PRKG1: variants seen among roughly 807,000 people sequenced by gnomAD.
PRKG1 encodes cGMP-dependent protein kinase 1.
In PRKG1, 35 loss-of-function variants were observed where a neutral mutation model predicts 88.1. That is an observed-to-expected ratio of 0.40 (90% CI 0.30 to 0.53). The LOEUF (loss-of-function observed/expected upper bound fraction) is 0.53, where lower values mean the gene tolerates loss of function less well. PRKG1 is among the 20% of genes least tolerant of loss of function. The pLI is 0.59. For missense variants in PRKG1, 540 were observed against 839.8 expected, an observed-to-expected ratio of 0.64 and a Z score of 4.41; for synonymous variants, 303 against 292.5, an observed-to-expected ratio of 1.04 and a Z score of -0.37.
intron 5 of PRKG1, among the ~76,000 whole-genome samples, chr10:52,029,462 G>T (rs1845425094): frequency 6.6e-6 from 1 of 152,156 alleles, no homozygotes; most frequent in East Asian, 1.9e-4. Flanking sequence ...CTCAGAGAAG[G>T]CTTTTCAGAG....
chr10:51,092,425 A>C lies in PRKG1; in HGVS notation c.311+17524A>C, dbSNP rs1262808413. 3.9e-5 allele frequency among the ~76,000 whole-genome samples: 6 copies of C among 152,312 alleles called. No individual in the cohort carries two copies. In the East Asian group the frequency reaches 7.7e-4, roughly 20 times the overall value. ...CACTGAGGCTGAAAGCAGATGAAGA[A>C]GACGAAATGGTCTCTAAAGTAGGTG... On this transcript the variant is annotated intron_variant, in intron 1 of 17. Transcript: ENST00000373980.
chr10:51,163,226 A>G (rs1188350473), intron 2 of PRKG1, among the ~76,000 whole-genome samples: 2 of 152,230 alleles, frequency 1.3e-5, no homozygotes, highest in African/African-American at 4.8e-5. Flanking sequence ...TTTGCTGTTC[A>G]CGGTCTGTGT....
chr10:52,089,176 C>T (rs1256906810), intron 7 of PRKG1, among the ~76,000 whole-genome samples: 1 of 152,070 alleles, frequency 6.6e-6, no homozygotes, highest in African/African-American at 2.4e-5. Flanking sequence ...TTATGCTGAG[C>T]TCTTAGATTA....
At chr10:51,347,003 A>T (rs1378255928) in intron 2 of PRKG1, among the ~76,000 whole-genome samples, 1 of 152,136 alleles carries the variant, frequency 6.6e-6, no homozygotes, top group Admixed American at 6.5e-5. Context: ...GTTGCCGAGG[A>T]CCTGGGATGC....
intron 7 of PRKG1, among the ~76,000 whole-genome samples, chr10:52,066,667 A>C (rs1439761972): frequency 6.6e-6 from 1 of 152,172 alleles, no homozygotes; most frequent in Non-Finnish European, 1.5e-5. Flanking sequence ...TGTGATGAGG[A>C]CGGAAATTAC....
intron 3 of PRKG1, among the ~76,000 whole-genome samples, chr10:51,553,995 T>TATTA (rs1699082047): frequency 3.5e-5 from 5 of 143,732 alleles, no homozygotes; most frequent in East Asian, 2.0e-4. Flanking sequence ...TATGCGTATG[T>TATTA]GATACGTGCA....
At position 52,041,094 on chromosome 10, in the gene PRKG1, C is replaced by T. The variant is rs555725895; in HGVS notation, c.763-13390C>T. 2.0e-5 allele frequency among the ~76,000 whole-genome samples: 3 copies of T among 152,138 alleles called. No individual in the cohort carries two copies. The East Asian group carries it at 5.8e-4, about 29-fold the overall frequency. On this transcript the variant is annotated intron_variant, in intron 5 of 17. Transcript: ENST00000373980. ...CCTCAAGTCATCTGCCCACCTCGGC[C>T]TCCCAAAATGCTAAGATTACAGGTC...
At chr10:51,467,639 T>G (rs2132814604) in intron 2 of PRKG1, 84 bp from the exon 3 acceptor site, 1 of 1,098,262 alleles carries the variant, frequency 9.1e-7, no homozygotes, top group Middle Eastern at 2.0e-4. Flanking sequence ...CAAATGAGCC[T>G]AACACTCCTC....
intron 1 of PRKG1, among the ~76,000 whole-genome samples, chr10:51,099,122 T>C (rs1356376885): frequency 1.3e-5 from 2 of 152,138 alleles, no homozygotes; most frequent in Admixed American, 6.6e-5. Flanking sequence ...TTCTTGCATG[T>C]GAACCCTTGT....
intron 3 of PRKG1, among the ~76,000 whole-genome samples, chr10:51,643,824 G>A (rs56279800): frequency 4.4e-4 from 67 of 152,172 alleles, no homozygotes; most frequent in Admixed American, 1.1e-3. Context: ...TTTAATTATA[G>A]AAACTTTCAA....
chr10:51,738,455 A>C lies in PRKG1; in HGVS notation c.593-66130A>C, dbSNP rs574774858. On this transcript the variant is annotated intron_variant, in intron 3 of 17. Coordinates refer to ENST00000373980, the MANE Select transcript of PRKG1 (RefSeq NM_006258.4). ...CTTTTTCTCTAAGATGGGCATAGTA[A>C]TAATTCTTCCTGCATGAAGCAGTTG... Among the ~76,000 whole-genome samples the C allele has an allele frequency of 1.9e-4, 29 of 152,374 alleles. No homozygotes were observed. In the South Asian group the frequency reaches 5.0e-3, roughly 26 times the overall value.
At position 51,575,431 on chromosome 10, in the gene PRKG1, C is replaced by A. The variant is rs1245718248; in HGVS notation, c.592+107595C>A. 2.0e-5 allele frequency among the ~76,000 whole-genome samples: 3 copies of A among 151,914 alleles called. 1 individual carries two copies. Among genetic ancestry groups the A allele is most frequent in the South Asian group, 2.1e-4 (1 of 4,834 alleles). On this transcript the variant is annotated intron_variant, in intron 3 of 17. Transcript: ENST00000373980. ...AACAGTTTGCTACAACGACTGAGATCTCTACCATAGAAATTGCTTCTTGGA... is the reference window on the plus strand; with the variant it reads ...AACAGTTTGCTACAACGACTGAGATATCTACCATAGAAATTGCTTCTTGGA...
intron 2 of PRKG1, among the ~76,000 whole-genome samples, chr10:51,227,546 A>G (rs1838725478): frequency 6.6e-6 from 1 of 152,208 alleles, no homozygotes; most frequent in African/African-American, 2.4e-5. Context: ...GAATGTAAAG[A>G]CACATCATAA....
chr10:51,946,143 G>A (rs1318226800), intron 5 of PRKG1, among the ~76,000 whole-genome samples: 1 of 151,990 alleles, frequency 6.6e-6, no homozygotes, highest in Non-Finnish European at 1.5e-5. Flanking sequence ...ATATTTCTTG[G>A]AGGCTTTGTT....
intron 2 of PRKG1, among the ~76,000 whole-genome samples, chr10:51,355,027 C>T (rs527466682): frequency 6.6e-6 from 1 of 152,102 alleles, no homozygotes; most frequent in South Asian, 2.1e-4. Flanking sequence ...CATTTATTAA[C>T]TGTATGCTTT....
At chr10:51,600,576 A>G (rs1290259992) in intron 3 of PRKG1, among the ~76,000 whole-genome samples, 1 of 152,222 alleles carries the variant, frequency 6.6e-6, no homozygotes, top group Non-Finnish European at 1.5e-5. Context: ...AATTTTAATA[A>G]CGTGCTATCT....
chr10:51,988,918 C>CT (rs930417004), intron 5 of PRKG1, among the ~76,000 whole-genome samples: 1 of 151,652 alleles, frequency 6.6e-6, no homozygotes, highest in Non-Finnish European at 1.5e-5. Context: ...ATGTTGTTGC[C>CT]TTTTTTTTCT....
Position 51,409,850 on chromosome 10 carries a change from C to CAAAAAAAA in PRKG1, c.479-57860_479-57853dup, listed in dbSNP as rs71459417. Reference sequence around the variant, plus strand: ...GCCTGGCAACAGAGAGAGACTCTGTCAAAAAAAAAAAAAAAAAAAAGGAGA... The same window carrying CAAAAAAAA: ...GCCTGGCAACAGAGAGAGACTCTGTCAAAAAAAAAAAAAAAAAAAAAAAAAAAAGGAGA... On this transcript the variant is annotated intron_variant, in intron 2 of 17. Coordinates refer to ENST00000373980, the MANE Select transcript of PRKG1 (RefSeq NM_006258.4). Among the ~76,000 whole-genome samples, 30 of 79,484 alleles carry CAAAAAAAA rather than the reference C, an allele frequency of 3.8e-4. 2 individuals are homozygous for CAAAAAAAA. The highest frequency in any genetic ancestry group is 5.7e-4 in the African/African-American group (11 of 19,302). 52.1% of individuals were successfully genotyped at this position (79,484 alleles called of 152,430 possible).
At chr10:51,111,711 T>G (rs1844983466) in intron 1 of PRKG1, among the ~76,000 whole-genome samples, 1 of 152,190 alleles carries the variant, frequency 6.6e-6, no homozygotes, top group African/African-American at 2.4e-5. Context: ...GACTTTCCAC[T>G]AAATTCTTTG....
Sources: allele counts gnomAD v4.1 joint callset (sites outside exome capture counted in the v4.1 genomes callset), GRCh38; gene constraint gnomAD v4.1.1; transcripts MANE v1.5; gene names NCBI Gene and HGNC (gene_info 2026-07-23, HGNC 2026-07-21).